SEC14L5: variants seen among roughly 807,000 people sequenced by gnomAD.
SEC14L5 encodes the protein SEC14-like protein 5.
SEC14L5 carries 96 observed loss-of-function variants against 84.6 expected under a neutral mutation model. The observed-to-expected ratio is 1.13, with a 90% confidence interval of 0.96 to 1.34. The LOEUF (loss-of-function observed/expected upper bound fraction) is 1.34, where lower values mean the gene tolerates loss of function less well. SEC14L5 is among the 40% of genes most tolerant of loss of function. The probability of loss-of-function intolerance (pLI) is 0.00; values close to 1 mark genes in which losing one functional copy is unlikely to be tolerated. For missense variants in SEC14L5, 1,224 were observed against 942.5 expected, an observed-to-expected ratio of 1.30 and a Z score of -3.91; for synonymous variants, 546 against 383.4, an observed-to-expected ratio of 1.42 and a Z score of -4.95.
intron 5 of SEC14L5, 133 bp downstream of exon 5, chr16:4,991,028 A>C: frequency 1.6e-6 from 1 of 621,366 alleles, no homozygotes; most frequent in Non-Finnish European, 2.5e-6. Flanking sequence ...TACTCTAGTA[A>C]TGACCAAATC....
At chr16:4,992,153 T>A in intron 6 of SEC14L5, 123 bp downstream of exon 6, 1 of 625,910 alleles carries the variant, frequency 1.6e-6, no homozygotes, top group South Asian at 2.3e-5. Flanking sequence ...TGGGTCTGGG[T>A]CTTGGAACGA....
Position 5,016,133 on chromosome 16 carries a change from C to G in SEC14L5, c.*1163C>G, listed in dbSNP as rs1955872672. On this transcript the variant is annotated 3_prime_UTR_variant, in exon 16 of 16. Coordinates refer to ENST00000251170, the MANE Select transcript of SEC14L5 (RefSeq NM_014692.2). Reference sequence around the variant, plus strand: ...TAGATCCAGGGTCTCAACATGGAGTCTCGATTCCCCCCGCGAGTGGAGGCT... The same window carrying G: ...TAGATCCAGGGTCTCAACATGGAGTGTCGATTCCCCCCGCGAGTGGAGGCT... 6.6e-6 allele frequency: 1 copy of G among 152,184 alleles called. No individual in the cohort carries two copies. Among genetic ancestry groups the G allele is most frequent in the Admixed American group, 6.5e-5 (1 of 15,270 alleles). The allele number at this position is 152,184 out of a possible 1,614,324, so 9.4% of individuals were successfully genotyped here.
At position 5,005,992 on chromosome 16, in the gene SEC14L5, C is replaced by A; in HGVS notation, c.1381C>A (p.Leu461Ile). 2 of 1,613,830 alleles carry A rather than the reference C, an allele frequency of 1.2e-6. No individual in the cohort carries two copies. Among genetic ancestry groups the A allele is most frequent in the Non-Finnish European group, 1.7e-6 (2 of 1,179,822 alleles). Residue 461 changes from leucine (L) to isoleucine (I), a missense_variant, in exon 12 of 16, where the codon CTT becomes ATT. Transcript: ENST00000251170. ...SGSNYQGPGG[L>I]VDYLDREVIP... ...CAGCAACTACCAGGGACCCGGAGGC[C>A]TTGTGGACTATCTGGATAGAGAAGT...
chr16:4,978,203 C>A (rs184417527), intron 2 of SEC14L5, among the ~76,000 whole-genome samples: 13,540 of 13,540 alleles, frequency 1, 6,770 homozygotes, highest in Non-Finnish European at 1. Context: ...TCACGAGGCC[C>A]CGAGATCAAA....
intron 2 of SEC14L5, among the ~76,000 whole-genome samples, chr16:4,962,182 A>AT (rs1955130777): frequency 6.6e-6 from 1 of 150,722 alleles, no homozygotes; most frequent in Non-Finnish European, 1.5e-5. Context: ...AAAAAAAAAA[A>AT]GAAAAAGAAA....
chr16:4,978,497 C>A (rs114529349), intron 2 of SEC14L5, among the ~76,000 whole-genome samples: 1,784 of 146,544 alleles, frequency 0.012, 59 homozygotes, highest in African/African-American at 0.043. Flanking sequence ...TAGCTCATTG[C>A]AGCCTTGACC....
chr16:5,002,747 TGGA>T (rs1183995194), intron 10 of SEC14L5, among the ~76,000 whole-genome samples: 2 of 152,166 alleles, frequency 1.3e-5, no homozygotes, highest in African/African-American at 4.8e-5. Context: ...ACTAATGAAA[TGGA>T]GGCACAGAGA....
Position 5,007,451 on chromosome 16 carries a change from C to T in SEC14L5, c.1537C>T (p.His513Tyr). Residue 513 changes from histidine to tyrosine, a missense_variant, in exon 13 of 16, where the codon CAT (histidine) becomes TAT (tyrosine). Transcript: ENST00000251170. ...DQLWQWSETY[H>Y]SASVLRGAPH... ...GCTGTGGCAGTGGAGTGAGACCTAC[C>T]ATTCAGCCAGCGTGCTCCGCGGAGC... is the stretch of plus-strand genomic sequence containing the variant. 6.2e-7 allele frequency: 1 copy of T among 1,613,892 alleles called. No individual in the cohort carries two copies. Among genetic ancestry groups the T allele is most frequent in the Non-Finnish European group, 8.5e-7 (1 of 1,179,870 alleles).
intron 15 of SEC14L5, among the ~76,000 whole-genome samples, chr16:5,014,051 G>A (rs1955840282): frequency 6.6e-6 from 1 of 152,232 alleles, no homozygotes; most frequent in Non-Finnish European, 1.5e-5. Context: ...CCCAGACCAT[G>A]CTTTGAGTAG....
chr16:4,995,663 G>C (rs1268505976), intron 6 of SEC14L5, among the ~76,000 whole-genome samples: 1 of 129,272 alleles, frequency 7.7e-6, no homozygotes. Context: ...GTCTCACTCT[G>C]TTGCCCAGGC....
At chr16:4,987,417 C>G in intron 2 of SEC14L5, 140 bp from the exon 3 acceptor site, 1 of 647,978 alleles carries the variant, frequency 1.5e-6, no homozygotes, top group Non-Finnish European at 2.5e-6. Context: ...TTGGTAATGA[C>G]GGCAAAATCC....
intron 2 of SEC14L5, among the ~76,000 whole-genome samples, chr16:4,969,995 T>C (rs1178571312): frequency 3.3e-5 from 5 of 152,090 alleles, no homozygotes; most frequent in Non-Finnish European, 7.3e-5. Context: ...TGTTTGTATC[T>C]TTTGTATAGA....
rs202013017 is a variant in SEC14L5 at position 5,008,542 on chromosome 16, C to G, written c.1694C>G (p.Pro565Arg). ...GCGCCCAGGCTGGGCGCCCGGGAAC[C>G]GGGGACCAGGGCCAGCGGGCAGCTG... ...KQAPRLGAREPGTRASGQLID... is the reference protein window; with the variant it reads ...KQAPRLGARERGTRASGQLID... Residue 565 changes from proline to arginine, a missense_variant, in exon 14 of 16, where the codon CCG (proline) becomes CGG (arginine). Pro to Arg is a moderately radical substitution (Grantham distance 103, BLOSUM62 -2). Coordinates refer to ENST00000251170, the MANE Select transcript of SEC14L5 (RefSeq NM_014692.2). 1 of 1,609,140 alleles carries G rather than the reference C, an allele frequency of 6.2e-7. No individual in the cohort carries two copies. Among genetic ancestry groups the G allele is most frequent in the Non-Finnish European group, 8.5e-7 (1 of 1,178,218 alleles).
In SEC14L5 at chr16:4,997,017, G is replaced by T; in HGVS notation, c.943G>T (p.Ala315Ser). 6.2e-7 allele frequency: 1 copy of T among 1,612,490 alleles called. No individual in the cohort carries two copies. The highest frequency in any genetic ancestry group is 8.5e-7 in the Non-Finnish European group (1 of 1,179,284). ...CCCTGCCCTGCTGGAGGAGTTCTAT[G>T]CAGGGGGCTGGCATTACCAGGACAT... The part of the protein sequence containing the change: ...QPPALLEEFY[A>S]GGWHYQDIDG... The change falls in exon 8 of 16, where the codon GCA becomes TCA. Residue 315 changes from alanine (A) to serine (S), a missense_variant. Physicochemically the swap from Ala to Ser is moderately conservative, Grantham distance 99 (BLOSUM62 1). Coordinates refer to ENST00000251170, the MANE Select transcript of SEC14L5 (RefSeq NM_014692.2).
At chr16:4,974,888 C>T (rs781380940) in intron 2 of SEC14L5, among the ~76,000 whole-genome samples, 5 of 152,002 alleles carry the variant, frequency 3.3e-5, no homozygotes, top group African/African-American at 1.2e-4. Flanking sequence ...AGCGATTCTC[C>T]TGCCTCAGCC....
chr16:4,984,183 A>G (rs1955461665), intron 2 of SEC14L5, among the ~76,000 whole-genome samples: 1 of 151,994 alleles, frequency 6.6e-6, no homozygotes, highest in South Asian at 2.1e-4. Context: ...CAACACCCCC[A>G]CCATCTCTTT....
chr16:4,988,132 C>T lies in SEC14L5; in HGVS notation c.214-17C>T, dbSNP rs562760212. 3.7e-5 allele frequency: 59 copies of T among 1,613,160 alleles called. No homozygotes were observed. The East Asian group carries it at 1.2e-3, about 34-fold the overall frequency. On this transcript the variant is annotated splice_polypyrimidine_tract_variant and intron_variant, in intron 3 of 15. Coordinates refer to ENST00000251170, the MANE Select transcript of SEC14L5 (RefSeq NM_014692.2). ...CGCCGCCCACCCACCTCCGCCTCCCCGCCCCTTCCCTTGCAGATCGCAGGT... is the reference window on the plus strand; with the variant it reads ...CGCCGCCCACCCACCTCCGCCTCCCTGCCCCTTCCCTTGCAGATCGCAGGT...
At chr16:4,971,427 C>G (rs1472855034) in intron 2 of SEC14L5, among the ~76,000 whole-genome samples, 1 of 152,206 alleles carries the variant, frequency 6.6e-6, no homozygotes, top group Non-Finnish European at 1.5e-5. Context: ...CCACTGCACT[C>G]CAGCCTGGGT....
intron 2 of SEC14L5, among the ~76,000 whole-genome samples, chr16:4,985,849 T>C (rs1462397617): frequency 6.6e-6 from 1 of 151,418 alleles, no homozygotes; most frequent in Admixed American, 6.6e-5. Flanking sequence ...TAGATAGATA[T>C]GTGCACAGTC....
Sources: gnomAD v4.1 joint callset for allele counts (sites outside exome capture counted in the v4.1 genomes callset) on GRCh38, gnomAD v4.1.1 for gene constraint, MANE v1.5 for transcripts, NCBI Gene and HGNC (gene_info 2026-07-23, HGNC 2026-07-21) for gene names.